Variants in RP1L1 observed in about 807,000 individuals in gnomAD.
RP1L1 encodes RP1 like 1, also known as retinitis pigmentosa 1-like 1 protein.
In RP1L1, 27 loss-of-function variants were observed where a neutral mutation model predicts 15.7. The observed-to-expected ratio is 1.72, with a 90% CI of 1.27 to 2.38. The LOEUF is 2.38. Ranked by LOEUF, RP1L1 falls within the 30% of genes most tolerant of loss-of-function variation. RP1L1 has a pLI of 0.00. For missense variants in RP1L1, 4,798 were observed against 3,075.9 expected, an observed-to-expected ratio of 1.56 and a Z score of -13.24; for synonymous variants, 1,813 against 1,276.7, an observed-to-expected ratio of 1.42 and a Z score of -8.96.
intron 2 of RP1L1, 147 bp downstream of exon 2, chr8:10,622,446 C>A (rs1392270497): frequency 9.9e-7 from 1 of 1,007,788 alleles, no homozygotes; most frequent in Non-Finnish European, 1.5e-6. Context: ...ATTGACTTGA[C>A]TGAGTGTCTC....
chr8:10,610,315 G>A lies in RP1L1; in HGVS notation c.3783C>T (p.Phe1261=). ...CACAAGCGCAGGCTCGGGCGTTCAA[G>A]AAGGTTGGGAAACAACACTGCTGTT... ...ENQQQCCFPT[F]LNARACACAT... is the part of the protein sequence containing the mutation. Residue 1261 remains phenylalanine, a synonymous_variant, in exon 4 of 4, where the codon TTC becomes TTT. Coordinates refer to ENST00000382483, the MANE Select transcript of RP1L1 (RefSeq NM_178857.6). The A allele has an allele frequency of 1.2e-6, 2 of 1,614,232 alleles. No homozygotes were observed. Among genetic ancestry groups the A allele is most frequent in the South Asian group, 1.1e-5 (1 of 91,078 alleles).
Position 10,622,982 on chromosome 8 carries a change from G to C in RP1L1, c.220C>G (p.Leu74Val), listed in dbSNP as rs572843586. Reference sequence around the variant, plus strand: ...GTGACAGAGCGCACCCCAAAGGAGAGAGGCACGCGCTGGGAGAGCTCGTCC... The same window carrying C: ...GTGACAGAGCGCACCCCAAAGGAGACAGGCACGCGCTGGGAGAGCTCGTCC... The part of the protein sequence containing the change: ...LMDELSQRVP[L>V]SFGVRSVTTP... Residue 74 changes from leucine to valine, a missense_variant, in exon 2 of 4, where the codon CTC (leucine) becomes GTC (valine). Leu to Val is a conservative substitution (Grantham distance 32, BLOSUM62 1). Coordinates refer to ENST00000382483, the MANE Select transcript of RP1L1 (RefSeq NM_178857.6). 9.9e-6 allele frequency: 16 copies of C among 1,614,042 alleles called. No individual in the cohort carries two copies. The highest frequency in any genetic ancestry group is 1.3e-5 in the African/African-American group (1 of 74,924).
At chr8:10,645,616 C>A (rs540953666) in intron 1 of RP1L1, among the ~76,000 whole-genome samples, 2 of 152,088 alleles carry the variant, frequency 1.3e-5, no homozygotes, top group East Asian at 3.9e-4. Flanking sequence ...AGCCAGGCTG[C>A]GGAATCACTG....
chr8:10,613,059 TG>T lies in RP1L1; in HGVS notation c.1038del (p.Ser347AlafsTer16). On this transcript the variant is annotated frameshift_variant, in exon 4 of 4. Transcript: ENST00000382483. LOFTEE classifies it low-confidence loss of function (END_TRUNC). ...TLLWSRRMGR[A>X]SALTAASGED... is the part of the protein sequence containing the mutation. ...TCCCCACTGGCTGCCGTGAGGGCGCTGGCCCTGCCCATCCTCCGGGACCATA... is the reference window on the plus strand; with the variant it reads ...TCCCCACTGGCTGCCGTGAGGGCGCTGCCCTGCCCATCCTCCGGGACCATA... 1 of 1,613,604 alleles carries T rather than the reference TG, an allele frequency of 6.2e-7. No individual in the cohort carries two copies. The highest frequency in any genetic ancestry group is 2.2e-5 in the East Asian group (1 of 44,868).
intron 1 of RP1L1, among the ~76,000 whole-genome samples, chr8:10,634,847 C>A (rs1798305296): frequency 6.6e-6 from 1 of 152,186 alleles, no homozygotes; most frequent in Non-Finnish European, 1.5e-5. Flanking sequence ...GTCTACCCAA[C>A]CCCAACTGGG....
chr8:10,646,527 A>T (rs1798480779), intron 1 of RP1L1, among the ~76,000 whole-genome samples: 1 of 152,162 alleles, frequency 6.6e-6, no homozygotes, highest in Non-Finnish European at 1.5e-5. Flanking sequence ...AGAAACACCC[A>T]GGGAATTCCA....
chr8:10,609,741 G>T lies in RP1L1; in HGVS notation c.4357C>A (p.Pro1453Thr). The change falls in exon 4 of 4, where the codon CCC becomes ACC. Residue 1453 changes from proline (P) to threonine (T), a missense_variant. Pro to Thr is a conservative substitution (Grantham distance 38, BLOSUM62 -1). Transcript: ENST00000382483. ...PAEGTEEPTE[P>T]PSHLSETDPS... ...TCCGTCTCGCTGAGATGACTAGGGG[G>T]CTCTGTGGGTTCCTCTGTGCCCTCT... 1 of 1,613,472 alleles carries T rather than the reference G, an allele frequency of 6.2e-7. No individual in the cohort carries two copies. Among genetic ancestry groups the T allele is most frequent in the Non-Finnish European group, 8.5e-7 (1 of 1,179,696 alleles).
Position 10,607,511 on chromosome 8 carries a change from A to C in RP1L1, c.6587T>G (p.Ile2196Arg). ...EGEAQPESEG[I>R]EAPEAEGEAQ... ...CTCCCCTTCTGCCTCTGGGGCCTCTATACCTTCTGACTCTGGCTGGGCCTC... is the reference window on the plus strand; with the variant it reads ...CTCCCCTTCTGCCTCTGGGGCCTCTCTACCTTCTGACTCTGGCTGGGCCTC... Residue 2196 changes from isoleucine (I) to arginine (R), a missense_variant, in exon 4 of 4, where the codon ATA (isoleucine) becomes AGA (arginine). By Grantham distance (97) the Ile-to-Arg change is moderately conservative. Transcript: ENST00000382483. 6.2e-7 allele frequency: 1 copy of C among 1,603,804 alleles called. No individual in the cohort carries two copies. Among genetic ancestry groups the C allele is most frequent in the Non-Finnish European group, 8.5e-7 (1 of 1,175,142 alleles).
chr8:10,610,658 T>C lies in RP1L1; in HGVS notation c.3440A>G (p.Tyr1147Cys). 2 of 1,612,176 alleles carry C rather than the reference T, an allele frequency of 1.2e-6. No individual in the cohort carries two copies. The highest frequency in any genetic ancestry group is 1.7e-6 in the Non-Finnish European group (2 of 1,179,192). ...SKVRFKDSPR[Y>C]QELLSISKDL... ...CTTCGAGATGCTGAGCAGCTCCTGGTACCGAGGGGAGTCTTTGAACCTCAC... is the reference window on the plus strand; with the variant it reads ...CTTCGAGATGCTGAGCAGCTCCTGGCACCGAGGGGAGTCTTTGAACCTCAC... Residue 1147 changes from tyrosine (Y) to cysteine (C), a missense_variant, in exon 4 of 4, where the codon TAC (tyrosine) becomes TGC (cysteine). By Grantham distance (194) the Tyr-to-Cys change is radical. Coordinates refer to ENST00000382483, the MANE Select transcript of RP1L1 (RefSeq NM_178857.6).
At position 10,612,751 on chromosome 8, in the gene RP1L1, G is replaced by C. The variant is rs1277733310; in HGVS notation, c.1347C>G (p.Ser449Arg). The change falls in exon 4 of 4, where the codon AGC becomes AGG. Residue 449 changes from serine to arginine, a missense_variant. Ser to Arg is a moderately radical substitution (Grantham distance 110). Transcript: ENST00000382483. Reference protein sequence around the residue: ...GHGTAGRERCSQDSASPASST... With the variant: ...GHGTAGRERCRQDSASPASST... ...TGGAGGCTGGGCTGGCACTGTCCTG[G>C]CTGCATCTCTCCCTCCCGGCAGTCC... is the stretch of plus-strand genomic sequence containing the variant. 1 of 1,608,186 alleles carries C rather than the reference G, an allele frequency of 6.2e-7. No homozygotes were observed. Among genetic ancestry groups the C allele is most frequent in the Non-Finnish European group, 8.5e-7 (1 of 1,179,862 alleles).
Position 10,612,533 on chromosome 8 carries a change from G to A in RP1L1, c.1565C>T (p.Thr522Ile), listed in dbSNP as rs1406326254. 8.1e-6 allele frequency: 13 copies of A among 1,610,546 alleles called. No homozygotes were observed. In the Middle Eastern group the frequency reaches 5.0e-4, roughly 61 times the overall value. The change falls in exon 4 of 4, where the codon ACA (threonine) becomes ATA (isoleucine). Residue 522 changes from threonine (T) to isoleucine (I), a missense_variant. Physicochemically the swap from Thr to Ile is moderately conservative, Grantham distance 89. Coordinates refer to ENST00000382483, the MANE Select transcript of RP1L1 (RefSeq NM_178857.6). The part of the protein sequence containing the change: ...LGGPEQGGRL[T>I]PRARSEEGAS... ...CCCCTCCTCACTCCGGGCCCTCGGTGTCAGGCGGCCGCCTTGCTCTGGGCC... is the reference window on the plus strand; with the variant it reads ...CCCCTCCTCACTCCGGGCCCTCGGTATCAGGCGGCCGCCTTGCTCTGGGCC...
chr8:10,654,273 CT>C (rs1365938835), intron 1 of RP1L1, among the ~76,000 whole-genome samples: 1 of 152,162 alleles, frequency 6.6e-6, no homozygotes, highest in Admixed American at 6.5e-5. Context: ...ATGACTTCAT[CT>C]GTCCGGGCCT....
chr8:10,611,778 C>A lies in RP1L1; in HGVS notation c.2320G>T (p.Ala774Ser). 1 of 1,613,590 alleles carries A rather than the reference C, an allele frequency of 6.2e-7. No homozygotes were observed. The highest frequency in any genetic ancestry group is 1.1e-5 in the South Asian group (1 of 91,082). ...GDAGSRTCSP[A>S]PIPPHTSDSC... The stretch of plus-strand genomic sequence containing the variant: ...TCGGATGTGTGGGGAGGTATGGGGG[C>A]CGGCGAGCATGTCCTGGACCCCGCG... The change falls in exon 4 of 4, where the codon GCC becomes TCC. Residue 774 changes from alanine (A) to serine (S), a missense_variant. By Grantham distance (99) the Ala-to-Ser change is moderately conservative. Coordinates refer to ENST00000382483, the MANE Select transcript of RP1L1 (RefSeq NM_178857.6).
chr8:10,622,845 T>G lies in RP1L1; in HGVS notation c.357A>C (p.Pro119=). Residue 119 remains proline (P), a synonymous_variant, in exon 2 of 4, where the codon CCA becomes CCC. Transcript: ENST00000382483. ...PPKTPSGPGR[P]QERNPTAQQL... ...GCTGAGCAGTGGGGTTTCTCTCCTG[T>G]GGCCGGCCTGGTCCACTGGGGGTCT... 6.2e-7 allele frequency: 1 copy of G among 1,612,970 alleles called. No homozygotes were observed. Among genetic ancestry groups the G allele is most frequent in the Non-Finnish European group, 8.5e-7 (1 of 1,179,232 alleles).
In RP1L1 at chr8:10,608,684, C is replaced by A. The variant is rs770130220; in HGVS notation, c.5414G>T (p.Gly1805Val). 3 of 1,614,178 alleles carry A rather than the reference C, an allele frequency of 1.9e-6. No individual in the cohort carries two copies. The highest frequency in any genetic ancestry group is 1.6e-4 in the Middle Eastern group (1 of 6,062). Residue 1805 changes from glycine to valine, a missense_variant, in exon 4 of 4, where the codon GGT becomes GTT. Transcript: ENST00000382483. ...GTTGTCCTCATGCCCAGAGCCTTGA[C>A]CCCCAGTTTCTCCCCTTTCACTTAT... ...EGISERGETG[G>V]QGSGHEDNLQ...
At chr8:10,632,297 C>G (rs1240243117) in intron 1 of RP1L1, among the ~76,000 whole-genome samples, 1 of 152,220 alleles carries the variant, frequency 6.6e-6, no homozygotes, top group Non-Finnish European at 1.5e-5. Context: ...TTGGCACCAT[C>G]TAGAACGTTC....
intron 1 of RP1L1, among the ~76,000 whole-genome samples, chr8:10,626,859 G>A (rs190462583): frequency 7.3e-4 from 111 of 152,276 alleles, no homozygotes; most frequent in African/African-American, 1.7e-3. Flanking sequence ...TGCTGAGAGC[G>A]GCAGGAGCCA....
At position 10,609,181 on chromosome 8, in the gene RP1L1, G is replaced by T. The variant is rs1413717034; in HGVS notation, c.4917C>A (p.Leu1639=). Residue 1639 remains leucine (L), a synonymous_variant, in exon 4 of 4, where the codon CTC becomes CTA. Coordinates refer to ENST00000382483, the MANE Select transcript of RP1L1 (RefSeq NM_178857.6). ...CCAGCTGGCTCCCCAGGGCTGTGCTGAGGGCTGGCTCGTCCTCCAGGGTGA... is the reference window on the plus strand; with the variant it reads ...CCAGCTGGCTCCCCAGGGCTGTGCTTAGGGCTGGCTCGTCCTCCAGGGTGA... ...LSFTLEDEPA[L]STALGSQLGE... is the part of the protein sequence containing the mutation. The T allele has an allele frequency of 6.2e-7, 1 of 1,612,024 alleles. No individual in the cohort carries two copies. The highest frequency in any genetic ancestry group is 8.5e-7 in the Non-Finnish European group (1 of 1,179,548).
At chr8:10,650,867 G>A (rs1169117470) in intron 1 of RP1L1, among the ~76,000 whole-genome samples, 1 of 152,162 alleles carries the variant, frequency 6.6e-6, no homozygotes, top group East Asian at 1.9e-4. Flanking sequence ...ACACTCAGCT[G>A]ACTCTGTAGT....
Sources: allele counts gnomAD v4.1 joint callset (sites outside exome capture counted in the v4.1 genomes callset), GRCh38; gene constraint gnomAD v4.1.1; transcripts MANE v1.5; gene names NCBI Gene and HGNC (gene_info 2026-07-23, HGNC 2026-07-21).